Variants in MLLT3 observed in about 807,000 individuals in gnomAD.
MLLT3 encodes the protein protein AF-9.
In MLLT3, 4 loss-of-function variants were observed where a neutral mutation model predicts 53.2. The ratio of observed to expected loss-of-function variants is 0.08; its 90% CI spans 0.04 to 0.17. MLLT3 has a LOEUF of 0.17. Among genes scored for constraint, MLLT3 ranks in the 10% least tolerant of loss-of-function variants. The probability of loss-of-function intolerance (pLI) is 1.00; values close to 1 mark genes in which losing one functional copy is unlikely to be tolerated. For synonymous variants in MLLT3, 283 were observed against 230.6 expected (o/e 1.23, Z -2.06); for missense variants, 569 against 684.0 (o/e 0.83, Z 1.87).
rs1820990787 is a variant in MLLT3 at position 20,621,070 on chromosome 9, A to C, written c.13-236T>G. 1 of 663,584 alleles carries C rather than the reference A, an allele frequency of 1.5e-6. No homozygotes were observed. Among genetic ancestry groups the C allele is most frequent in the Non-Finnish European group, 2.7e-6 (1 of 366,494 alleles). 41.1% of individuals were successfully genotyped at this position (663,584 alleles called of 1,614,324 possible). A position where few individuals can be genotyped will look rare whatever the true frequency, so the allele number is the denominator to read the frequency against. Reference sequence around the variant, plus strand: ...CCCGGGCCCCGCATCTACATCGGACAGGATTGTAACGGAATGTTATCCCCA... The same window carrying C: ...CCCGGGCCCCGCATCTACATCGGACCGGATTGTAACGGAATGTTATCCCCA... On this transcript the variant is annotated intron_variant, in intron 1 of 10. Coordinates refer to ENST00000380338, the MANE Select transcript of MLLT3 (RefSeq NM_004529.4). This position sits in a 1 kb window ranked among gnomAD's most constrained non-coding sequence, Gnocchi z 7.0.
chr9:20,384,547 A>G (rs1025867277), intron 5 of MLLT3, among the ~76,000 whole-genome samples: 3 of 152,092 alleles, frequency 2.0e-5, no homozygotes, highest in Non-Finnish European at 4.4e-5. Flanking sequence ...ACGTGTTCTT[A>G]ATGCTCAGTT....
intron 5 of MLLT3, among the ~76,000 whole-genome samples, chr9:20,379,713 T>TAC (rs1410854374): frequency 1.3e-5 from 2 of 151,972 alleles, no homozygotes; most frequent in African/African-American, 2.4e-5. Context: ...TTTAAAAATA[T>TAC]ACACACACAC....
intron 2 of MLLT3, among the ~76,000 whole-genome samples, chr9:20,463,261 T>G (rs562331268): frequency 6.7e-6 from 1 of 148,796 alleles, no homozygotes; most frequent in Middle Eastern, 3.4e-3. Flanking sequence ...AGTATATCCC[T>G]GGCTTCTCTT....
chr9:20,609,122 T>TTTA (rs889606891), intron 2 of MLLT3, among the ~76,000 whole-genome samples: 3 of 152,066 alleles, frequency 2.0e-5, no homozygotes, highest in African/African-American at 7.2e-5. Flanking sequence ...GCAGCTCTAT[T>TTTA]TTAAATGTCT....
At chr9:20,566,101 G>C (rs930696948) in intron 2 of MLLT3, among the ~76,000 whole-genome samples, 1 of 141,188 alleles carries the variant, frequency 7.1e-6, no homozygotes, top group Non-Finnish European at 1.5e-5. Flanking sequence ...TATATAAAGT[G>C]TACTTTCATC....
At chr9:20,515,947 A>G (rs909597124) in intron 2 of MLLT3, among the ~76,000 whole-genome samples, 2 of 152,220 alleles carry the variant, frequency 1.3e-5, no homozygotes, top group African/African-American at 4.8e-5. Flanking sequence ...TTGCTTTTAT[A>G]CAAGAAAAAG....
At chr9:20,569,458 T>C (rs1819470767) in intron 2 of MLLT3, among the ~76,000 whole-genome samples, 2 of 152,156 alleles carry the variant, frequency 1.3e-5, no homozygotes, top group Admixed American at 6.6e-5. Context: ...CAATCATCTA[T>C]CTACACTCCC....
chr9:20,533,049 C>A, intron 2 of MLLT3: 1 of 261,282 alleles, frequency 3.8e-6, no homozygotes, highest in Non-Finnish European at 7.5e-6. Flanking sequence ...TCCCATTGAG[C>A]TGGCTGTCTT....
chr9:20,588,019 T>C (rs1820021917), intron 2 of MLLT3, among the ~76,000 whole-genome samples: 1 of 149,920 alleles, frequency 6.7e-6, no homozygotes, highest in East Asian at 2.0e-4. Flanking sequence ...GATTTTTGTA[T>C]AAGGTGTAAG....
intron 5 of MLLT3, among the ~76,000 whole-genome samples, chr9:20,399,506 A>G (rs187678637): frequency 6.6e-6 from 1 of 152,230 alleles, no homozygotes; most frequent in East Asian, 1.9e-4. Context: ...AAGTATACAT[A>G]AACTGTATAC....
At chr9:20,582,241 A>G (rs986221577) in intron 2 of MLLT3, among the ~76,000 whole-genome samples, 2 of 152,162 alleles carry the variant, frequency 1.3e-5, no homozygotes, top group Non-Finnish European at 2.9e-5. Context: ...CTATTAACTA[A>G]AGTCCATCCC....
chr9:20,343,663 T>C lies in MLLT3; in HGVS notation c.*2780A>G, dbSNP rs1463846582. 8.4e-5 allele frequency: 19 copies of C among 225,390 alleles called. No individual in the cohort carries two copies. In the East Asian group the frequency reaches 1.2e-3, roughly 14 times the overall value. The allele number at this position is 225,390 out of a possible 1,614,324, so 14.0% of individuals were successfully genotyped here. ...GGAAAAATTTTTTAAAAGTTTATCA[T>C]ACTCTGGCTGGTTCAAACCATATTC... On this transcript the variant is annotated 3_prime_UTR_variant, in exon 11 of 11. Transcript: ENST00000380338.
At chr9:20,374,967 G>GT (rs1288234497) in intron 5 of MLLT3, among the ~76,000 whole-genome samples, 2 of 152,198 alleles carry the variant, frequency 1.3e-5, no homozygotes, top group Non-Finnish European at 2.9e-5. Context: ...TGGTATCCTT[G>GT]TAAGAACAGA....
chr9:20,452,635 T>C (rs986257252), intron 3 of MLLT3, among the ~76,000 whole-genome samples: 1 of 152,024 alleles, frequency 6.6e-6, no homozygotes, highest in East Asian at 1.9e-4. Flanking sequence ...AAGAAAGAAA[T>C]GAACACTCTG....
intron 5 of MLLT3, among the ~76,000 whole-genome samples, chr9:20,392,773 T>A (rs949145561): frequency 6.6e-6 from 1 of 152,132 alleles, no homozygotes; most frequent in African/African-American, 2.4e-5. Context: ...CTGCAAGAGA[T>A]CTCTTTACAG....
intron 2 of MLLT3, among the ~76,000 whole-genome samples, chr9:20,540,802 C>T (rs1320287152): frequency 1.3e-5 from 2 of 152,212 alleles, no homozygotes; most frequent in East Asian, 3.8e-4. Context: ...ATTTCTGCAG[C>T]CAGCTTCAAT....
chr9:20,606,050 A>T (rs1216274735), intron 2 of MLLT3, among the ~76,000 whole-genome samples: 6 of 152,182 alleles, frequency 3.9e-5, no homozygotes, highest in Non-Finnish European at 8.8e-5. Flanking sequence ...ACTTCTTCAA[A>T]TAAAATTAAA....
At chr9:20,405,141 A>G (rs1251498826) in intron 5 of MLLT3, among the ~76,000 whole-genome samples, 1 of 152,142 alleles carries the variant, frequency 6.6e-6, no homozygotes, top group African/African-American at 2.4e-5. Flanking sequence ...ATTAGGGAAA[A>G]GTTCCCTCAG....
chr9:20,457,195 C>G (rs1222394348), intron 2 of MLLT3, among the ~76,000 whole-genome samples: 2 of 151,318 alleles, frequency 1.3e-5, no homozygotes, highest in Non-Finnish European at 2.9e-5. Flanking sequence ...AATCACTCCC[C>G]ACCTTAACTT....
Sources: allele counts gnomAD v4.1 joint callset (sites outside exome capture counted in the v4.1 genomes callset), GRCh38; gene constraint gnomAD v4.1.1; non-coding constraint Gnocchi (gnomAD v3.1); transcripts MANE v1.5; gene names NCBI Gene and HGNC (gene_info 2026-07-23, HGNC 2026-07-21).